Variants in ETV1 observed in about 807,000 individuals in gnomAD.
ETV1 encodes the protein ETS translocation variant 1.
Under a neutral mutation model 62.3 loss-of-function variants are expected in ETV1, and 27 were observed. That is an observed-to-expected ratio of 0.43 (90% CI 0.32 to 0.60). The LOEUF (loss-of-function observed/expected upper bound fraction) is 0.60, where lower values mean the gene tolerates loss of function less well. ETV1 is among the 20% of genes least tolerant of loss of function. The probability of loss-of-function intolerance (pLI) is 0.06; values close to 1 mark genes in which losing one functional copy is unlikely to be tolerated. For missense variants in ETV1, 605 were observed against 605.8 expected (o/e 1.00, Z 0.01); for synonymous variants, 222 against 199.6 (o/e 1.11, Z -0.94).
intron 9 of ETV1, among the ~76,000 whole-genome samples, chr7:13,917,924 A>G (rs931339476): frequency 6.6e-6 from 1 of 152,018 alleles, no homozygotes; most frequent in African/African-American, 2.4e-5. Context: ...AGATCATGCC[A>G]CTGCACTCCA....
intron 9 of ETV1, among the ~76,000 whole-genome samples, chr7:13,923,596 A>C (rs1396993358): frequency 6.6e-6 from 1 of 152,104 alleles, no homozygotes; most frequent in Non-Finnish European, 1.5e-5. Context: ...CCTACACATA[A>C]TTTTTCGATG....
intron 12 of ETV1, among the ~76,000 whole-genome samples, chr7:13,902,592 A>G (rs1228365615): frequency 6.6e-6 from 1 of 152,158 alleles, no homozygotes; most frequent in African/African-American, 2.4e-5. Flanking sequence ...AAACCTAACT[A>G]TGGACATCAG....
intron 6 of ETV1, among the ~76,000 whole-genome samples, chr7:13,943,717 T>C (rs1467829282): frequency 6.6e-6 from 1 of 152,064 alleles, no homozygotes; most frequent in Non-Finnish European, 1.5e-5. Flanking sequence ...AAACAGATGA[T>C]CTCACAGGTA....
chr7:13,900,019 C>A (rs1233816611), intron 13 of ETV1, among the ~76,000 whole-genome samples: 1 of 152,158 alleles, frequency 6.6e-6, no homozygotes, highest in African/African-American at 2.4e-5. Flanking sequence ...GTCCCAGCAA[C>A]TTAGGAGGCT....
At chr7:13,962,376 A>T (rs1005368733) in intron 6 of ETV1, among the ~76,000 whole-genome samples, 2 of 151,936 alleles carry the variant, frequency 1.3e-5, no homozygotes, top group Non-Finnish European at 2.9e-5. Flanking sequence ...CCAATGTCCT[A>T]CTCTTATACA....
Position 13,986,661 on chromosome 7 carries a change from A to G in ETV1, c.158T>C (p.Leu53Ser). Residue 53 changes from leucine (L) to serine (S), a missense_variant, in exon 5 of 14, where the codon TTA becomes TCA. Physicochemically the swap from Leu to Ser is moderately radical, Grantham distance 145. Coordinates refer to ENST00000430479, the MANE Select transcript of ETV1 (RefSeq NM_004956.5). ...SEELFQDLSQLQETWLAEAQV... is the reference protein window; with the variant it reads ...SEELFQDLSQSQETWLAEAQV... ...ACCTTCTGCAAGCCATGTTTCCTGT[A>G]ATTGACTTAGATCTTGAAAGAGTTC... 3 of 1,612,438 alleles carry G rather than the reference A, an allele frequency of 1.9e-6. No individual in the cohort carries two copies. The highest frequency in any genetic ancestry group is 2.5e-6 in the Non-Finnish European group (3 of 1,179,318).
rs1781580953 is a variant in ETV1, at chr7:13,894,171, C to CT, written c.*1694dup. 3 of 204,256 alleles carry CT rather than the reference C, an allele frequency of 1.5e-5. No homozygotes were observed. Among genetic ancestry groups the CT allele is most frequent in the African/African-American group, 8.3e-5 (3 of 36,318 alleles). The allele number at this position is 204,256 out of a possible 1,614,324, so 12.7% of individuals were successfully genotyped here. A position where few individuals can be genotyped will look rare whatever the true frequency, so the allele number is the denominator to read the frequency against. On this transcript the variant is annotated 3_prime_UTR_variant, in exon 14 of 14. Transcript: ENST00000430479. ...TGTTTAGAATTTTTTTTTTTTTTTG[C>CT]TTTTTGCTATAGACTCTTTAAAAAA... is the stretch of plus-strand genomic sequence containing the variant.
chr7:13,927,399 C>T (rs967171751), intron 9 of ETV1, among the ~76,000 whole-genome samples: 1 of 152,122 alleles, frequency 6.6e-6, no homozygotes, highest in African/African-American at 2.4e-5. Flanking sequence ...TTGCAGTGAG[C>T]CGAAATCACA....
At chr7:13,925,966 A>G (rs1356209544) in intron 9 of ETV1, among the ~76,000 whole-genome samples, 1 of 152,072 alleles carries the variant, frequency 6.6e-6, no homozygotes. Context: ...ATCACCTATA[A>G]TATCACCACC....
chr7:13,921,086 A>G (rs1468406614), intron 9 of ETV1, among the ~76,000 whole-genome samples: 24 of 152,216 alleles, frequency 1.6e-4, no homozygotes, highest in Admixed American at 1.6e-3. Flanking sequence ...TCAATAGCTC[A>G]TTCTTTAAAG....
In ETV1 at chr7:13,931,512, T is replaced by C; in HGVS notation, c.792A>G (p.Ala264=). Residue 264 remains alanine (A), a synonymous_variant, in exon 9 of 14, where the codon GCA becomes GCG. Transcript: ENST00000430479. The part of the protein sequence containing the change: ...LMIKQEPRDF[A]YDSEVPSCHS... ...AGAGCGCAGGCCTACCTGAGTCATA[T>C]GCAAAATCTCTGGGTTCCTGTTTAA... The C allele has an allele frequency of 1.2e-6, 2 of 1,614,008 alleles. No homozygotes were observed. The highest frequency in any genetic ancestry group is 1.7e-6 in the Non-Finnish European group (2 of 1,179,872).
intron 12 of ETV1, among the ~76,000 whole-genome samples, chr7:13,903,355 TAAC>T (rs1782627476): frequency 6.6e-6 from 1 of 152,182 alleles, no homozygotes; most frequent in Admixed American, 6.5e-5. Context: ...CTGAACCTGA[TAAC>T]AACAATCAGG....
At chr7:13,921,683 C>A (rs1395056974) in intron 9 of ETV1, among the ~76,000 whole-genome samples, 2 of 152,128 alleles carry the variant, frequency 1.3e-5, no homozygotes, top group African/African-American at 2.4e-5. Context: ...TATTCAACCT[C>A]CAATTTCTAA....
chr7:13,903,874 A>T (rs1391915571), intron 12 of ETV1, among the ~76,000 whole-genome samples: 1 of 152,120 alleles, frequency 6.6e-6, no homozygotes, highest in Non-Finnish European at 1.5e-5. Context: ...CATGTTAAAG[A>T]TTATGCGTTT....
chr7:13,893,098 G>C lies in ETV1; in HGVS notation c.*2768C>G, dbSNP rs1781489604. ...TAACAAGAAAAATTATTTTTACTTAGTTATTTGAGTATAAGTGTTTGTTGC... is the reference window on the plus strand; with the variant it reads ...TAACAAGAAAAATTATTTTTACTTACTTATTTGAGTATAAGTGTTTGTTGC... On this transcript the variant is annotated 3_prime_UTR_variant, in exon 14 of 14. Transcript: ENST00000430479. The C allele has an allele frequency of 4.3e-6, 1 of 232,588 alleles. No individual in the cohort carries two copies. Among genetic ancestry groups the C allele is most frequent in the Non-Finnish European group, 8.5e-6 (1 of 117,688 alleles). The allele number at this position is 232,588 out of a possible 1,614,324, so 14.4% of individuals were successfully genotyped here. A position where few individuals can be genotyped will look rare whatever the true frequency, so the allele number is the denominator to read the frequency against.
intron 6 of ETV1, 134 bp from the exon 7 acceptor site, chr7:13,939,380 T>C: frequency 2.8e-6 from 2 of 714,822 alleles, no homozygotes; most frequent in South Asian, 4.4e-5. Context: ...AAATCACGTT[T>C]GATGAATTTC....
chr7:13,903,718 G>A (rs1004764762), intron 12 of ETV1, among the ~76,000 whole-genome samples: 8 of 140,150 alleles, frequency 5.7e-5, no homozygotes, highest in East Asian at 4.2e-4. Flanking sequence ...AGCCAAGGTC[G>A]CACCACTGCA....
chr7:13,914,431 A>C lies in ETV1; in HGVS notation c.803-3124T>G, dbSNP rs1381163348. ...GTTACAGATGAGTTCATGGTGATGAAAGCTGATCTAATATGCTGTAAAAAT... is the reference window on the plus strand; with the variant it reads ...GTTACAGATGAGTTCATGGTGATGACAGCTGATCTAATATGCTGTAAAAAT... On this transcript the variant is annotated intron_variant, in intron 9 of 13. Transcript: ENST00000430479. Among the ~76,000 whole-genome samples, 4 of 152,066 alleles carry C rather than the reference A, an allele frequency of 2.6e-5. No individual in the cohort carries two copies. In the East Asian group the frequency reaches 7.8e-4, roughly 29 times the overall value.
Position 13,934,991 on chromosome 7 carries a change from G to A in ETV1, c.554+717C>T, listed in dbSNP as rs117500790. Among the ~76,000 whole-genome samples, 805 of 152,280 alleles carry A rather than the reference G, an allele frequency of 5.3e-3. 14 individuals carry two copies. The highest frequency in any genetic ancestry group is 0.014 in the Admixed American group (209 of 15,302). ...CTGTATATAAGCAACCTGATTTTAA[G>A]CTGTATATTAAGGTAGTACATCTCA... On this transcript the variant is annotated intron_variant, in intron 8 of 13. Transcript: ENST00000430479.
Sources: allele counts gnomAD v4.1 joint callset (sites outside exome capture counted in the v4.1 genomes callset), GRCh38; gene constraint gnomAD v4.1.1; transcripts MANE v1.5; gene names NCBI Gene and HGNC (gene_info 2026-07-23, HGNC 2026-07-21).